Variants in FAM184B observed in about 807,000 individuals in gnomAD.
The protein encoded by FAM184B is protein FAM184B.
In FAM184B, 111 loss-of-function variants were observed where a neutral mutation model predicts 135.9. That is an observed-to-expected ratio of 0.82 (90% confidence interval 0.70 to 0.96). The LOEUF is 0.96. FAM184B is among the 40% of genes least tolerant of loss of function. The probability of loss-of-function intolerance (pLI) is 0.00; values close to 1 mark genes in which losing one functional copy is unlikely to be tolerated. For synonymous variants in FAM184B, 552 were observed against 524.8 expected (o/e 1.05, Z -0.71); for missense variants, 1,375 against 1,323.9 (o/e 1.04, Z -0.60).
At chr4:17,669,762 A>G (rs1296128409) in intron 7 of FAM184B, among the ~76,000 whole-genome samples, 1 of 152,226 alleles carries the variant, frequency 6.6e-6, no homozygotes, top group Non-Finnish European at 1.5e-5. Context: ...AGATTTTAAT[A>G]TACATCTCCC....
At chr4:17,707,865 C>A (rs957163014) in intron 2 of FAM184B, 81 bp from the exon 3 acceptor site, 34 of 1,496,294 alleles carry the variant, frequency 2.3e-5, no homozygotes, top group Non-Finnish European at 2.6e-5. Context: ...AGCCATCAGA[C>A]CTGAAAGGCG....
chr4:17,707,285 A>G (rs1717140112), intron 3 of FAM184B, among the ~76,000 whole-genome samples: 1 of 152,178 alleles, frequency 6.6e-6, no homozygotes, highest in Non-Finnish European at 1.5e-5. Context: ...GAAAGACTCA[A>G]TAGCATAATT....
chr4:17,759,411 C>T (rs188098388), intron 1 of FAM184B, among the ~76,000 whole-genome samples: 1 of 152,332 alleles, frequency 6.6e-6, no homozygotes, highest in East Asian at 1.9e-4. Flanking sequence ...GCCAGCCATG[C>T]TTCCAGTACA....
intron 10 of FAM184B, among the ~76,000 whole-genome samples, chr4:17,655,404 G>T (rs1577249015): frequency 6.6e-6 from 1 of 152,154 alleles, no homozygotes; most frequent in South Asian, 2.1e-4. Flanking sequence ...GGAGCCCTTG[G>T]CAGTGAGGAT....
chr4:17,765,910 T>G (rs1295739944), intron 1 of FAM184B, among the ~76,000 whole-genome samples: 2 of 152,158 alleles, frequency 1.3e-5, no homozygotes, highest in Non-Finnish European at 2.9e-5. Flanking sequence ...TTCGCGGTGG[T>G]GAGTGTTACA....
intron 1 of FAM184B, among the ~76,000 whole-genome samples, chr4:17,745,454 G>T (rs1718139233): frequency 6.6e-6 from 1 of 152,198 alleles, no homozygotes; most frequent in Admixed American, 6.5e-5. Context: ...ACCGCGGCCG[G>T]GCTATTTCTG....
Position 17,642,111 on chromosome 4 carries a change from G to A in FAM184B, c.2464C>T (p.Arg822Cys). 6.5e-7 allele frequency: 1 copy of A among 1,532,588 alleles called. No individual in the cohort carries two copies. The highest frequency in any genetic ancestry group is 1.2e-5 in the South Asian group (1 of 83,870). The allele number at this position is 1,532,588 out of a possible 1,614,324, so 94.9% of individuals were successfully genotyped here. A position where few individuals can be genotyped will look rare whatever the true frequency, so the allele number is the denominator to read the frequency against. ...TGCTGATGCTGCTCCACCTCCGCGC[G>A]CAGCCGCCGCACCGCGTCCTGGAGC... Reference protein sequence around the residue: ...AQLQDAVRRLRAEVEQHQQEA... With the variant: ...AQLQDAVRRLCAEVEQHQQEA... Residue 822 changes from arginine to cysteine, a missense_variant, in exon 13 of 18, where the codon CGC (arginine) becomes TGC (cysteine). Arg to Cys is a radical substitution (Grantham distance 180). Transcript: ENST00000265018.
intron 1 of FAM184B, among the ~76,000 whole-genome samples, chr4:17,738,375 C>T (rs1209592875): frequency 3.3e-5 from 5 of 152,002 alleles, no homozygotes; most frequent in Non-Finnish European, 2.9e-5. Context: ...AAGATATCTG[C>T]CTAACAGCAA....
chr4:17,710,152 G>T (rs927157131), intron 1 of FAM184B, among the ~76,000 whole-genome samples: 2 of 151,982 alleles, frequency 1.3e-5, no homozygotes, highest in African/African-American at 4.8e-5. Flanking sequence ...ATGGCGATCT[G>T]GTCTCTATTG....
chr4:17,666,944 T>TTTTTTG (rs2108945843), intron 7 of FAM184B, among the ~76,000 whole-genome samples: 1 of 147,122 alleles, frequency 6.8e-6, no homozygotes, highest in East Asian at 1.9e-4. Context: ...CACTTTTTTT[T>TTTTTTG]TTGTTTTTTT....
intron 4 of FAM184B, 137 bp from the exon 5 acceptor site, chr4:17,705,343 A>T: frequency 2.9e-6 from 2 of 699,888 alleles, no homozygotes; most frequent in South Asian, 3.9e-5. Context: ...AATCAATTTT[A>T]CAAGACTATA....
At chr4:17,773,319 A>G (rs1479945193) in intron 1 of FAM184B, among the ~76,000 whole-genome samples, 7 of 152,250 alleles carry the variant, frequency 4.6e-5, no homozygotes, top group Non-Finnish European at 8.8e-5. Flanking sequence ...AGAAACTGCA[A>G]CCACTTGACT....
intron 1 of FAM184B, among the ~76,000 whole-genome samples, chr4:17,767,429 C>G (rs1000689538): frequency 6.6e-6 from 1 of 152,162 alleles, no homozygotes; most frequent in Admixed American, 6.5e-5. Context: ...ACAGGAAAAA[C>G]TCAATAAAGG....
At chr4:17,722,771 C>T (rs985604895) in intron 1 of FAM184B, among the ~76,000 whole-genome samples, 6 of 152,278 alleles carry the variant, frequency 3.9e-5, no homozygotes, top group Admixed American at 2.0e-4. Flanking sequence ...TTTCAAATCT[C>T]GAATGACTTG....
chr4:17,765,426 AT>A (rs1254600196), intron 1 of FAM184B, among the ~76,000 whole-genome samples: 1 of 152,150 alleles, frequency 6.6e-6, no homozygotes, highest in Non-Finnish European at 1.5e-5. Context: ...ATTAATATTG[AT>A]TATAATATAT....
chr4:17,717,102 C>T (rs968665306), intron 1 of FAM184B, among the ~76,000 whole-genome samples: 3 of 152,158 alleles, frequency 2.0e-5, no homozygotes, highest in African/African-American at 4.8e-5. Flanking sequence ...AGAAACACTG[C>T]ACCCTGCCCA....
At chr4:17,632,704 G>A in intron 17 of FAM184B, 79 bp from the exon 18 acceptor site, 2 of 931,956 alleles carry the variant, frequency 2.1e-6, no homozygotes, top group Non-Finnish European at 3.3e-6. Flanking sequence ...TCTTTTCAGG[G>A]AAAGATAACT....
intron 10 of FAM184B, among the ~76,000 whole-genome samples, chr4:17,656,061 G>A (rs1715773264): frequency 6.6e-6 from 1 of 152,174 alleles, no homozygotes. Context: ...CCGATGGGCA[G>A]AGTGTCCTTT....
chr4:17,650,902 A>AT (rs112123247), intron 11 of FAM184B, among the ~76,000 whole-genome samples: 2,095 of 150,600 alleles, frequency 0.014, 41 homozygotes, highest in South Asian at 0.04. Flanking sequence ...ACTTTTCCTA[A>AT]TTTTTTTTTT....
Sources: allele counts gnomAD v4.1 joint callset (sites outside exome capture counted in the v4.1 genomes callset), GRCh38; gene constraint gnomAD v4.1.1; transcripts MANE v1.5; gene names NCBI Gene and HGNC (gene_info 2026-07-23, HGNC 2026-07-21).